The following ALYREF variants were observed in gnomAD, a reference collection of about 807,000 sequenced individuals.
ALYREF encodes the protein THO complex subunit 4.
A neutral mutation model predicts 25.2 loss-of-function variants in ALYREF; 1 was observed. That is an observed-to-expected ratio of 0.04 (90% confidence interval 0.01 to 0.19). The LOEUF is 0.19. Among genes scored for constraint, ALYREF ranks in the 10% least tolerant of loss-of-function variants. ALYREF has a pLI of 1.00. For synonymous variants in ALYREF, 193 were observed against 153.5 expected, an observed-to-expected ratio of 1.26 and a Z score of -1.90; for missense variants, 328 against 375.6, an observed-to-expected ratio of 0.87 and a Z score of 1.05.
intron 3 of ALYREF, 60 bp downstream of exon 3, chr17:81,889,122 A>G (rs2039468828): frequency 8.8e-6 from 14 of 1,597,754 alleles, no homozygotes; most frequent in Middle Eastern, 1.7e-4. Context: ...CTACCTGGAC[A>G]GGTGCCAGCC....
chr17:81,888,067 C>A lies in ALYREF; in HGVS notation c.*64G>T, dbSNP rs1429248588. On this transcript the variant is annotated 3_prime_UTR_variant, in exon 6 of 6. Coordinates refer to ENST00000505490, the MANE Select transcript of ALYREF (RefSeq NM_005782.4). The surrounding 1 kb of genome is among the most constrained non-coding windows in gnomAD (Gnocchi z 5.8). ...TTGGCCGCACAGCCCCAGCCACCGC[C>A]CCCCAACCAGGGAGCAAGAGGAGAC... 7 of 1,602,082 alleles carry A rather than the reference C, an allele frequency of 4.4e-6. No individual in the cohort carries two copies. The highest frequency in any genetic ancestry group is 6.0e-6 in the Non-Finnish European group (7 of 1,173,608).
intron 2 of ALYREF, chr17:81,889,991 CTG>C (rs2039484785): frequency 1.3e-5 from 2 of 153,182 alleles, no homozygotes; most frequent in Non-Finnish European, 2.9e-5. Flanking sequence ...TGTTGAGACA[CTG>C]TGAGTGCTCA....
At position 81,888,588 on chromosome 17, in the gene ALYREF, G is replaced by A. The variant is rs369388828; in HGVS notation, c.539-5C>T. On this transcript the variant is annotated splice_region_variant and splice_polypyrimidine_tract_variant and intron_variant, in intron 3 of 5. Transcript: ENST00000505490. The surrounding 1 kb of genome is among the most constrained non-coding windows in gnomAD (Gnocchi z 5.8). ...GCTGAATGTTCATGGGGCGGCCTGC[G>A]GCAAAGAATACGAGAAGGCACGTTC... is the stretch of plus-strand genomic sequence containing the variant. 25 of 1,587,302 alleles carry A rather than the reference G, an allele frequency of 1.6e-5. No homozygotes were observed. In the Admixed American group the frequency reaches 1.8e-4, roughly 11 times the overall value.
intron 3 of ALYREF, 56 bp downstream of exon 3, chr17:81,889,126 G>A: frequency 6.3e-7 from 1 of 1,599,322 alleles, no homozygotes; most frequent in Non-Finnish European, 8.6e-7. Flanking sequence ...CTGGACAGGT[G>A]CCAGCCCCAA....
Position 81,891,382 on chromosome 17 carries a change from C to T in ALYREF, c.199G>A (p.Ala67Thr). 3 of 1,123,326 alleles carry T rather than the reference C, an allele frequency of 2.7e-6. No homozygotes were observed. The highest frequency in any genetic ancestry group is 3.3e-6 in the Non-Finnish European group (3 of 918,064). The allele number at this position is 1,123,326 out of a possible 1,614,324, so 69.6% of individuals were successfully genotyped here. A position where few individuals can be genotyped will look rare whatever the true frequency, so the allele number is the denominator to read the frequency against. ...RGGGPIRNRPAIARGAAGGGG... is the reference protein window; with the variant it reads ...RGGGPIRNRPTIARGAAGGGG... ...CCGCCGGCCGCGCCGCGGGCGATGGCCGGCCGGTTCCGGATGGGCCCGCCG... is the reference window on the plus strand; with the variant it reads ...CCGCCGGCCGCGCCGCGGGCGATGGTCGGCCGGTTCCGGATGGGCCCGCCG... Residue 67 changes from alanine to threonine, a missense_variant, in exon 1 of 6, where the codon GCC (alanine) becomes ACC (threonine). Ala to Thr is a moderately conservative substitution (Grantham distance 58). Coordinates refer to ENST00000505490, the MANE Select transcript of ALYREF (RefSeq NM_005782.4).
In ALYREF at chr17:81,888,661, C is replaced by T. The variant is rs1238536855; in HGVS notation, c.539-78G>A. 4 of 1,540,030 alleles carry T rather than the reference C, an allele frequency of 2.6e-6. No homozygotes were observed. In the Admixed American group the frequency reaches 7.9e-5, roughly 30 times the overall value. On this transcript the variant is annotated intron_variant, in intron 3 of 5. Coordinates refer to ENST00000505490, the MANE Select transcript of ALYREF (RefSeq NM_005782.4). The surrounding 1 kb of genome is among the most constrained non-coding windows in gnomAD (Gnocchi z 5.8). ...CCCAGCTGGCGCCACACCCTGGTCT[C>T]CATGCAAACACTGGAAAGGGCCTCT...
Position 81,888,831 on chromosome 17 carries a change from CGTGGGTGGAGAGGT to C in ALYREF, c.539-262_539-249del, listed in dbSNP as rs1476366931. ...CTGCTCGCTGAGGTATCGGGGTGCT[CGTGGGTGGAGAGGT>C]GTGGGTGACCTGACGAAGAAGAACC... On this transcript the variant is annotated intron_variant, in intron 3 of 5. Coordinates refer to ENST00000505490, the MANE Select transcript of ALYREF (RefSeq NM_005782.4). This position sits in a 1 kb window ranked among gnomAD's most constrained non-coding sequence, Gnocchi z 5.8. 2.4e-5 allele frequency: 34 copies of C among 1,417,594 alleles called. 1 individual carries two copies. The highest frequency in any genetic ancestry group is 3.1e-5 in the Non-Finnish European group (34 of 1,088,402). The allele number at this position is 1,417,594 out of a possible 1,614,324, so 87.8% of individuals were successfully genotyped here.
chr17:81,891,207 C>A, intron 1 of ALYREF, 116 bp downstream of exon 1: 2 of 783,432 alleles, frequency 2.6e-6, no homozygotes, highest in South Asian at 7.3e-5. Flanking sequence ...GACCTCCGGG[C>A]GGCCGCTCCA....
In ALYREF at chr17:81,888,135, C is replaced by A; in HGVS notation, c.791G>T (p.Ser264Ile). 1 of 1,614,186 alleles carries A rather than the reference C, an allele frequency of 6.2e-7. No individual in the cohort carries two copies. Among genetic ancestry groups the A allele is most frequent in the Non-Finnish European group, 8.5e-7 (1 of 1,180,034 alleles). The change falls in exon 6 of 6, where the codon AGT (serine) becomes ATT (isoleucine). Residue 264 changes from serine (S) to isoleucine (I), a missense_variant. Ser to Ile is a moderately radical substitution (Grantham distance 142, BLOSUM62 -2). Transcript: ENST00000505490. The surrounding 1 kb of genome is among the most constrained non-coding windows in gnomAD (Gnocchi z 5.8). The part of the protein sequence containing the change: ...LDAYNARMDT[S>I] The stretch of plus-strand genomic sequence containing the variant: ...CACGCGGATTTGCTGGTCTGTTTAA[C>A]TGGTGTCCATCTGAAACACAGAGGA...
rs767376027 is a variant in ALYREF, at chr17:81,888,426, G to A, written c.603-8C>T. 4 of 1,598,460 alleles carry A rather than the reference G, an allele frequency of 2.5e-6. No homozygotes were observed. Among genetic ancestry groups the A allele is most frequent in the East Asian group, 2.2e-5 (1 of 44,584 alleles). ...ATGCCACCTCTGTTTACGCTAGCAAGGAAGACGAAACCGTTCACACACCCG... is the reference window on the plus strand; with the variant it reads ...ATGCCACCTCTGTTTACGCTAGCAAAGAAGACGAAACCGTTCACACACCCG... On this transcript the variant is annotated splice_region_variant and splice_polypyrimidine_tract_variant and intron_variant, in intron 4 of 5. Transcript: ENST00000505490. This position sits in a 1 kb window ranked among gnomAD's most constrained non-coding sequence, Gnocchi z 5.8.
In ALYREF at chr17:81,891,324, C is replaced by T; in HGVS notation, c.257G>A (p.Arg86Lys). The T allele has an allele frequency of 8.6e-7, 1 of 1,163,718 alleles. No individual in the cohort carries two copies. The highest frequency in any genetic ancestry group is 1.6e-5 in the African/African-American group (1 of 60,618). 72.1% of individuals were successfully genotyped at this position (1,163,718 alleles called of 1,614,324 possible). The change falls in exon 1 of 6, where the codon AGG becomes AAG. Residue 86 changes from arginine (R) to lysine (K), a missense_variant and splice_region_variant. Transcript: ENST00000505490. ...GGRNRPAPYS[R>K]PKQLPDKWQH... ...GGCGCGGCCGGCCTCCGCACTCACCCTGCTGTAGGGCGCCGGTCGGTTCCT... is the reference window on the plus strand; with the variant it reads ...GGCGCGGCCGGCCTCCGCACTCACCTTGCTGTAGGGCGCCGGTCGGTTCCT...
chr17:81,891,560 G>A lies in ALYREF; in HGVS notation c.21C>T (p.Ala7=), dbSNP rs2143505135. 2.1e-6 allele frequency: 3 copies of A among 1,438,456 alleles called. No homozygotes were observed. The highest frequency in any genetic ancestry group is 2.7e-6 in the Non-Finnish European group (3 of 1,095,066). The allele number at this position is 1,438,456 out of a possible 1,614,324, so 89.1% of individuals were successfully genotyped here. Reference sequence around the variant, plus strand: ...GAGACATGTCCATTTTGTCGGCCATGGCGGGCGCGGAATCGGGCATCGGCT... The same window carrying A: ...GAGACATGTCCATTTTGTCGGCCATAGCGGGCGCGGAATCGGGCATCGGCT... MPDSAP[A]MADKMDMSLD... Residue 7 remains alanine, a synonymous_variant, in exon 1 of 6, where the codon GCC becomes GCT. Coordinates refer to ENST00000505490, the MANE Select transcript of ALYREF (RefSeq NM_005782.4).
In ALYREF at chr17:81,889,433, T is replaced by G; in HGVS notation, c.391-104A>C. 5.2e-6 allele frequency: 7 copies of G among 1,351,654 alleles called. No individual in the cohort carries two copies. The Admixed American group carries it at 1.2e-4, about 24-fold the overall frequency. The allele number at this position is 1,351,654 out of a possible 1,614,324, so 83.7% of individuals were successfully genotyped here. A position where few individuals can be genotyped will look rare whatever the true frequency, so the allele number is the denominator to read the frequency against. ...GCGTGAGTTGCTTTGGGGGTGGTTC[T>G]CTGGGAGGCAGGACAGTGGTTAACG... On this transcript the variant is annotated intron_variant, in intron 2 of 5. Transcript: ENST00000505490.
Position 81,888,802 on chromosome 17 carries a change from T to C in ALYREF, c.539-219A>G. On this transcript the variant is annotated intron_variant, in intron 3 of 5. Transcript: ENST00000505490. This position sits in a 1 kb window ranked among gnomAD's most constrained non-coding sequence, Gnocchi z 5.8. ...TCACTCCTTCTCAGTCCAGACTAGGTGGGCTGCTCGCTGAGGTATCGGGGT... is the reference window on the plus strand; with the variant it reads ...TCACTCCTTCTCAGTCCAGACTAGGCGGGCTGCTCGCTGAGGTATCGGGGT... The C allele has an allele frequency of 7.0e-7, 1 of 1,426,720 alleles. No homozygotes were observed. The highest frequency in any genetic ancestry group is 9.1e-7 in the Non-Finnish European group (1 of 1,092,934). The allele number at this position is 1,426,720 out of a possible 1,614,324, so 88.4% of individuals were successfully genotyped here. A position where few individuals can be genotyped will look rare whatever the true frequency, so the allele number is the denominator to read the frequency against.
chr17:81,891,356 T>A lies in ALYREF; in HGVS notation c.225A>T (p.Gly75=). 8.7e-7 allele frequency: 1 copy of A among 1,150,688 alleles called. No individual in the cohort carries two copies. Among genetic ancestry groups the A allele is most frequent in the Non-Finnish European group, 1.1e-6 (1 of 935,158 alleles). 71.3% of individuals were successfully genotyped at this position (1,150,688 alleles called of 1,614,324 possible). Residue 75 remains glycine (G), a synonymous_variant, in exon 1 of 6, where the codon GGA becomes GGT. Transcript: ENST00000505490. ...RPAIARGAAG[G]GGRNRPAPYS... ...AGGGCGCCGGTCGGTTCCTGCCGCC[T>A]CCGCCGGCCGCGCCGCGGGCGATGG...
chr17:81,890,219 G>A (rs187577295), intron 2 of ALYREF, among the ~76,000 whole-genome samples: 418 of 152,286 alleles, frequency 2.7e-3, no homozygotes, highest in Non-Finnish European at 4.5e-3. Context: ...GCGGTGGGGA[G>A]TGATAAAACC....
At chr17:81,891,257 GCGGCCC>G in intron 1 of ALYREF, 60 bp downstream of exon 1, 2 of 1,069,724 alleles carry the variant, frequency 1.9e-6, no homozygotes, top group South Asian at 3.7e-5. Context: ...TCCGCCGCGA[GCGGCCC>G]CGGCCCCAGC....
At position 81,888,340 on chromosome 17, in the gene ALYREF, G is replaced by GCGGGTGCCTCTC. The variant is rs768732986; in HGVS notation, c.669_680dup (p.Arg224_Arg227dup). The stretch of plus-strand genomic sequence containing the variant: ...CTCTGCCTCTTCCACGGGCGCCTCC[G>GCGGGTGCCTCTC]CGGGTGCCTCTCCGGGTGCCTCCAC... On this transcript the variant is annotated inframe_insertion, in exon 5 of 6. Transcript: ENST00000505490. The surrounding 1 kb of genome is among the most constrained non-coding windows in gnomAD (Gnocchi z 5.8). 2 of 1,604,996 alleles carry GCGGGTGCCTCTC rather than the reference G, an allele frequency of 1.2e-6. No homozygotes were observed. The highest frequency in any genetic ancestry group is 1.3e-5 in the African/African-American group (1 of 74,852).
chr17:81,888,960 G>C lies in ALYREF; in HGVS notation c.538+222C>G. The C allele has an allele frequency of 7.0e-7, 1 of 1,418,552 alleles. No individual in the cohort carries two copies. Among genetic ancestry groups the C allele is most frequent in the Non-Finnish European group, 9.2e-7 (1 of 1,088,666 alleles). The allele number at this position is 1,418,552 out of a possible 1,614,324, so 87.9% of individuals were successfully genotyped here. On this transcript the variant is annotated intron_variant, in intron 3 of 5. Coordinates refer to ENST00000505490, the MANE Select transcript of ALYREF (RefSeq NM_005782.4). The surrounding 1 kb of genome is among the most constrained non-coding windows in gnomAD (Gnocchi z 5.8). ...CTTCACAGAAGTGAATCTTCCGGAA[G>C]GAGCTGAAGGAGGGGAGGGATGTAG...
Sources: allele counts gnomAD v4.1 joint callset (sites outside exome capture counted in the v4.1 genomes callset), GRCh38; gene constraint gnomAD v4.1.1; non-coding constraint Gnocchi (gnomAD v3.1); transcripts MANE v1.5; gene names NCBI Gene and HGNC (gene_info 2026-07-23, HGNC 2026-07-21).